SDK2: variants seen among roughly 807,000 people sequenced by gnomAD.
The protein encoded by SDK2 is sidekick cell adhesion molecule 2.
In SDK2, 105 loss-of-function variants were observed where a neutral mutation model predicts 253.9. The observed-to-expected ratio is 0.41, with a 90% CI of 0.35 to 0.49. SDK2 has a LOEUF of 0.49. Among genes scored for constraint, SDK2 ranks in the 20% least tolerant of loss-of-function variants. The pLI is 0.06. For synonymous variants in SDK2, 1,249 were observed against 1,234.9 expected, an observed-to-expected ratio of 1.01 and a Z score of -0.24; for missense variants, 2,608 against 3,003.0, an observed-to-expected ratio of 0.87 and a Z score of 3.07.
chr17:73,369,089 C>T (rs2062712490), intron 36 of SDK2: 3 of 447,084 alleles, frequency 6.7e-6, no homozygotes, highest in Non-Finnish European at 1.4e-5. Flanking sequence ...AGACCCTGGT[C>T]TCTGCCAGAC....
Position 73,607,693 on chromosome 17 carries a change from C to T in SDK2, c.64+36332G>A, listed in dbSNP as rs115526219. 5.8e-3 allele frequency among the ~76,000 whole-genome samples: 877 copies of T among 152,174 alleles called. 8 individuals carry two copies. The highest frequency in any genetic ancestry group is 0.021 in the African/African-American group (852 of 41,506). On this transcript the variant is annotated intron_variant, in intron 1 of 44. Coordinates refer to ENST00000392650, the MANE Select transcript of SDK2 (RefSeq NM_001144952.2). ...AGGTTTTCCAGAAGGGGTTGCAGGGCAGGCTTGGGAGACAGAACAGAGGCC... is the reference window on the plus strand; with the variant it reads ...AGGTTTTCCAGAAGGGGTTGCAGGGTAGGCTTGGGAGACAGAACAGAGGCC...
intron 39 of SDK2, 92 bp from the exon 40 acceptor site, chr17:73,358,296 A>T: frequency 6.7e-7 from 1 of 1,490,756 alleles, no homozygotes; most frequent in African/African-American, 1.4e-5. Context: ...ACTGGGTGAC[A>T]AAACCAACCC....
intron 1 of SDK2, among the ~76,000 whole-genome samples, chr17:73,548,506 T>C (rs1392033149): frequency 1.3e-5 from 2 of 152,218 alleles, no homozygotes; most frequent in Non-Finnish European, 2.9e-5. Context: ...GGGGGACAGA[T>C]AATCCTGATC....
In SDK2 at chr17:73,631,152, C is replaced by T. The variant is rs531604999; in HGVS notation, c.64+12873G>A. Reference sequence around the variant, plus strand: ...AGCCGCGTATTTATTACTGTCCCGACGACTACCATTTTTCACCCAGTGATG... The same window carrying T: ...AGCCGCGTATTTATTACTGTCCCGATGACTACCATTTTTCACCCAGTGATG... On this transcript the variant is annotated intron_variant, in intron 1 of 44. Transcript: ENST00000392650. 8.9e-4 allele frequency among the ~76,000 whole-genome samples: 135 copies of T among 152,228 alleles called. 1 individual carries two copies. The highest frequency in any genetic ancestry group is 7.8e-4 in the Non-Finnish European group (53 of 68,018).
rs1226711682 is a variant in SDK2 at position 73,465,190 on chromosome 17, A to G, written c.331+6922T>C. Among the ~76,000 whole-genome samples, 1 of 152,148 alleles carries G rather than the reference A, an allele frequency of 6.6e-6. No individual in the cohort carries two copies. Among genetic ancestry groups the G allele is most frequent in the Non-Finnish European group, 1.5e-5 (1 of 68,026 alleles). On this transcript the variant is annotated intron_variant, in intron 3 of 44. Transcript: ENST00000392650. The surrounding 1 kb of genome is among the most constrained non-coding windows in gnomAD (Gnocchi z 4.2). ...CATTTTAGGATTACTCCTAACCCAC[A>G]TGACAGCGGGCTTGTTCCCCTCCAA... is the stretch of plus-strand genomic sequence containing the variant.
rs776014376 is a variant in SDK2, at chr17:73,398,334, G to T, written c.3189C>A (p.Pro1063=). The T allele has an allele frequency of 1.9e-6, 3 of 1,613,852 alleles. No homozygotes were observed. Among genetic ancestry groups the T allele is most frequent in the Non-Finnish European group, 2.5e-6 (3 of 1,179,844 alleles). The part of the protein sequence containing the change: ...ARSMEVPDLN[P]FTCYSFRMRQ... The stretch of plus-strand genomic sequence containing the variant: ...AGTCTCATTACCTGTAGCAGGTGAA[G>T]GGGTTGAGGTCGGGCACCTCCATGG... Residue 1063 remains proline (P), a synonymous_variant, in exon 23 of 45, where the codon CCC becomes CCA. Transcript: ENST00000392650.
intron 1 of SDK2, among the ~76,000 whole-genome samples, chr17:73,527,876 T>G (rs1328003302): frequency 6.6e-6 from 1 of 151,470 alleles, no homozygotes; most frequent in African/African-American, 2.4e-5. Flanking sequence ...GGAGAGGAGG[T>G]GGCTTTTTCG....
In SDK2 at chr17:73,379,616, G is replaced by C; in HGVS notation, c.4763-67C>G. 1.0e-6 allele frequency: 1 copy of C among 990,270 alleles called. No homozygotes were observed. Among genetic ancestry groups the C allele is most frequent in the Non-Finnish European group, 1.6e-6 (1 of 643,792 alleles). 61.3% of individuals were successfully genotyped at this position (990,270 alleles called of 1,614,324 possible). A position where few individuals can be genotyped will look rare whatever the true frequency, so the allele number is the denominator to read the frequency against. On this transcript the variant is annotated intron_variant, in intron 34 of 44. Transcript: ENST00000392650. This position sits in a 1 kb window ranked among gnomAD's most constrained non-coding sequence, Gnocchi z 4.5. ...CGTCATTGCTGGGAAGGTGTCCCCA[G>C]GGAGGGTGGAGGCTGCAGGGGGAGG... is the stretch of plus-strand genomic sequence containing the variant.
chr17:73,511,555 G>A lies in SDK2; in HGVS notation c.65-3958C>T, dbSNP rs2063980766. On this transcript the variant is annotated intron_variant, in intron 1 of 44. Transcript: ENST00000392650. The surrounding 1 kb of genome is among the most constrained non-coding windows in gnomAD (Gnocchi z 4.9). Reference sequence around the variant, plus strand: ...TGACTCTGGGGAGGAGGAGAGGGAAGGGGAGGCCTTTCCCTGAGAGCCTGC... The same window carrying A: ...TGACTCTGGGGAGGAGGAGAGGGAAAGGGAGGCCTTTCCCTGAGAGCCTGC... Among the ~76,000 whole-genome samples, 1 of 152,168 alleles carries A rather than the reference G, an allele frequency of 6.6e-6. No individual in the cohort carries two copies. Among genetic ancestry groups the A allele is most frequent in the Non-Finnish European group, 1.5e-5 (1 of 68,010 alleles).
In SDK2 at chr17:73,379,649, C is replaced by T. The variant is rs550907104; in HGVS notation, c.4763-100G>A. On this transcript the variant is annotated intron_variant, in intron 34 of 44. Transcript: ENST00000392650. This position sits in a 1 kb window ranked among gnomAD's most constrained non-coding sequence, Gnocchi z 4.5. ...GGAGGCTGCAGGGGGAGGAATGAGG[C>T]ACCCCCGCCATTCTAGCCCCCTCTG... The T allele has an allele frequency of 1.4e-5, 10 of 707,894 alleles. No homozygotes were observed. The East Asian group carries it at 2.5e-4, about 17-fold the overall frequency. The allele number at this position is 707,894 out of a possible 1,614,324, so 43.9% of individuals were successfully genotyped here. A position where few individuals can be genotyped will look rare whatever the true frequency, so the allele number is the denominator to read the frequency against.
chr17:73,582,032 G>GC (rs1184391546), intron 1 of SDK2, among the ~76,000 whole-genome samples: 2 of 152,154 alleles, frequency 1.3e-5, no homozygotes, highest in African/African-American at 4.8e-5. Flanking sequence ...GTGTGGAGAG[G>GC]CCCTCTCGTA....
intron 22 of SDK2, among the ~76,000 whole-genome samples, chr17:73,398,642 G>C (rs936928583): frequency 6.6e-6 from 1 of 152,190 alleles, no homozygotes; most frequent in Admixed American, 6.5e-5. Context: ...GGATGCTTGT[G>C]ATCAATATAT....
chr17:73,378,164 A>AC (rs1555755093), intron 36 of SDK2, among the ~76,000 whole-genome samples: 12 of 151,944 alleles, frequency 7.9e-5, no homozygotes, highest in African/African-American at 2.7e-4. Context: ...CAATGGCTCC[A>AC]CATGGCCTAC....
intron 1 of SDK2, among the ~76,000 whole-genome samples, chr17:73,510,276 C>T (rs1012991247): frequency 3.9e-5 from 6 of 152,154 alleles, no homozygotes; most frequent in African/African-American, 1.4e-4. Flanking sequence ...CTGCACAGCA[C>T]CCCCAAACCT....
chr17:73,486,449 A>G (rs2063769801), intron 2 of SDK2, among the ~76,000 whole-genome samples: 1 of 152,036 alleles, frequency 6.6e-6, no homozygotes, highest in Non-Finnish European at 1.5e-5. Flanking sequence ...TCTCTACCAA[A>G]AAATAAAACA....
At chr17:73,347,018 T>C (rs1160261913) in intron 44 of SDK2, among the ~76,000 whole-genome samples, 1 of 152,202 alleles carries the variant, frequency 6.6e-6, no homozygotes, top group Non-Finnish European at 1.5e-5. Flanking sequence ...GCCGAGCTGC[T>C]TCTCACGTGG....
At chr17:73,640,783 C>A (rs996900563) in intron 1 of SDK2, among the ~76,000 whole-genome samples, 1 of 152,196 alleles carries the variant, frequency 6.6e-6, no homozygotes, top group Non-Finnish European at 1.5e-5. Context: ...GTTGTCCCCA[C>A]TGCCTTGTTC....
chr17:73,354,020 A>G (rs916190630), intron 40 of SDK2, among the ~76,000 whole-genome samples: 1 of 151,808 alleles, frequency 6.6e-6, no homozygotes, highest in Non-Finnish European at 1.5e-5. Flanking sequence ...TCTTTTTAGT[A>G]ACAGCTGCAG....
intron 15 of SDK2, 38 bp from the exon 16 acceptor site, chr17:73,419,344 C>A: frequency 6.2e-7 from 1 of 1,600,026 alleles, no homozygotes; most frequent in South Asian, 1.1e-5. Context: ...GTCTTGGGGT[C>A]AAACACAGGA....
Sources: gnomAD v4.1 joint callset for allele counts (sites outside exome capture counted in the v4.1 genomes callset) on GRCh38, gnomAD v4.1.1 for gene constraint, Gnocchi (gnomAD v3.1) non-coding constraint, MANE v1.5 for transcripts, NCBI Gene and HGNC (gene_info 2026-07-23, HGNC 2026-07-21) for gene names.